Variants in ELAC2 observed in about 807,000 individuals in gnomAD.
ELAC2 encodes zinc phosphodiesterase ELAC protein 2.
A neutral mutation model predicts 105.2 loss-of-function variants in ELAC2; 92 were observed. That is an observed-to-expected ratio of 0.87 (90% CI 0.74 to 1.04). The LOEUF is 1.04. Ranked by LOEUF, ELAC2 falls within the 50% of genes least tolerant of loss-of-function variation. The probability of loss-of-function intolerance (pLI) is 0.00; values close to 1 mark genes in which losing one functional copy is unlikely to be tolerated. For synonymous variants in ELAC2, 468 were observed against 409.1 expected (o/e 1.14, Z -1.74); for missense variants, 1,099 against 1,071.7 (o/e 1.03, Z -0.36).
chr17:13,002,618 G>A, intron 12 of ELAC2, 39 bp from the exon 13 acceptor site: 2 of 1,570,776 alleles, frequency 1.3e-6, no homozygotes, highest in African/African-American at 2.7e-5. Flanking sequence ...GCGTCTGTTA[G>A]GAGGCAGCTC....
chr17:13,008,911 C>G (rs756162156), intron 8 of ELAC2, among the ~76,000 whole-genome samples: 9 of 152,146 alleles, frequency 5.9e-5, no homozygotes, highest in Admixed American at 1.3e-4. Context: ...CTGGCAGCCC[C>G]CAGGAACGGC....
intron 22 of ELAC2, among the ~76,000 whole-genome samples, chr17:12,994,140 GCCCCCGCCTTCC>G (rs941895534): frequency 6.6e-6 from 1 of 152,122 alleles, no homozygotes. Context: ...CAGTCCCCCA[GCCCCCGCCTTCC>G]CCTGGCAATT....
At chr17:13,004,134 T>A (rs2040978247) in intron 11 of ELAC2, 1 of 164,024 alleles carries the variant, frequency 6.1e-6, no homozygotes, top group Non-Finnish European at 1.3e-5. Context: ...TAGCTATTTT[T>A]ATCTATCCCA....
chr17:13,016,654 C>A (rs377058905), intron 3 of ELAC2, among the ~76,000 whole-genome samples: 1 of 149,780 alleles, frequency 6.7e-6, no homozygotes, highest in Non-Finnish European at 1.5e-5. Context: ...ATGGGGCACA[C>A]GTGTGGTCCC....
At chr17:13,003,262 G>A (rs1050618559) in intron 12 of ELAC2, among the ~76,000 whole-genome samples, 1 of 152,150 alleles carries the variant, frequency 6.6e-6, no homozygotes, top group African/African-American at 2.4e-5. Flanking sequence ...TAAAATAAAT[G>A]GAATCGTGTG....
chr17:13,003,868 G>T, intron 11 of ELAC2: 1 of 405,020 alleles, frequency 2.5e-6, no homozygotes. Flanking sequence ...CCACTCATAC[G>T]GGTCCAACCT....
At chr17:13,001,782 C>G (rs966499670) in intron 14 of ELAC2, among the ~76,000 whole-genome samples, 4 of 152,024 alleles carry the variant, frequency 2.6e-5, no homozygotes, top group Admixed American at 1.3e-4. Context: ...AGTAAACATC[C>G]CTATTTGGAA....
intron 8 of ELAC2, among the ~76,000 whole-genome samples, chr17:13,006,984 G>C (rs2041144609): frequency 6.6e-6 from 1 of 152,006 alleles, no homozygotes; most frequent in Non-Finnish European, 1.5e-5. Context: ...AGCCGGGTGT[G>C]GTGACGTGCG....
intron 8 of ELAC2, among the ~76,000 whole-genome samples, chr17:13,008,057 C>T (rs774644341): frequency 4.0e-5 from 6 of 151,696 alleles, no homozygotes; most frequent in Admixed American, 1.3e-4. Context: ...AAAAATTAGC[C>T]GGGCATGGTG....
chr17:13,017,186 T>C (rs1491002881), intron 1 of ELAC2, 65 bp from the exon 2 acceptor site: 4 of 1,410,118 alleles, frequency 2.8e-6, no homozygotes, highest in African/African-American at 1.4e-5. Flanking sequence ...TGACACCAAT[T>C]AGATGTTTTA....
chr17:13,017,872 G>T lies in ELAC2; in HGVS notation c.76C>A (p.Pro26Thr). 1.3e-6 allele frequency: 2 copies of T among 1,551,762 alleles called. No homozygotes were observed. Among genetic ancestry groups the T allele is most frequent in the Non-Finnish European group, 8.7e-7 (1 of 1,150,626 alleles). The change falls in exon 1 of 24, where the codon CCC becomes ACC. Residue 26 changes from proline to threonine, a missense_variant. Pro to Thr is a conservative substitution (Grantham distance 38). Coordinates refer to ENST00000338034, the MANE Select transcript of ELAC2 (RefSeq NM_018127.7). ...TTGCGCGGCCGCTCGCGGCGGGCGG[G>T]TGCCTGCGATATGGTGCGTCCCTGC... ...MSQGRTISQAPARRERPRKDP... is the reference protein window; with the variant it reads ...MSQGRTISQATARRERPRKDP...
intron 14 of ELAC2, 140 bp from the exon 15 acceptor site, chr17:13,000,414 A>G (rs1434595759): frequency 3.7e-6 from 3 of 816,496 alleles, no homozygotes; most frequent in Non-Finnish European, 6.2e-6. Flanking sequence ...TTAAGTGACT[A>G]GGATCTGGGG....
chr17:12,996,197 C>T (rs1008956897), intron 17 of ELAC2: 41 of 656,806 alleles, frequency 6.2e-5, no homozygotes, highest in East Asian at 2.5e-4. Context: ...AAGAGGGCAA[C>T]GGCCCAGGGC....
At chr17:13,005,247 C>G in intron 10 of ELAC2, 146 bp from the exon 11 acceptor site, 1 of 716,454 alleles carries the variant, frequency 1.4e-6, no homozygotes, top group Admixed American at 2.0e-5. Context: ...ACATCACCAT[C>G]AACACCCTTC....
intron 14 of ELAC2, 114 bp downstream of exon 14, chr17:13,002,158 TTA>T: frequency 9.0e-7 from 1 of 1,112,746 alleles, no homozygotes; most frequent in Non-Finnish European, 1.3e-6. Flanking sequence ...AGTTGAATAG[TTA>T]CAACAGAGAC....
intron 17 of ELAC2, chr17:12,996,198 G>C: frequency 1.5e-6 from 1 of 654,612 alleles, no homozygotes; most frequent in Non-Finnish European, 2.6e-6. Flanking sequence ...AGAGGGCAAC[G>C]GCCCAGGGCC....
chr17:13,006,004 G>A (rs369763934), intron 8 of ELAC2, 25 bp from the exon 9 acceptor site: 3 of 1,607,166 alleles, frequency 1.9e-6, no homozygotes, highest in Non-Finnish European at 2.6e-6. Context: ...ACATAGATGT[G>A]ATCTTAGGGG....
intron 8 of ELAC2, among the ~76,000 whole-genome samples, chr17:13,009,054 CAATATA>C (rs1167866915): frequency 6.6e-6 from 1 of 152,074 alleles, no homozygotes; most frequent in Non-Finnish European, 1.5e-5. Context: ...AAAAATCAGA[CAATATA>C]AATATAGATT....
chr17:13,004,909 G>A, intron 11 of ELAC2, 80 bp downstream of exon 11: 1 of 1,122,408 alleles, frequency 8.9e-7, no homozygotes, highest in Non-Finnish European at 1.4e-6. Flanking sequence ...CAGAAACACA[G>A]CTCTTGCCAC....
Sources: gnomAD v4.1 joint callset for allele counts (sites outside exome capture counted in the v4.1 genomes callset) on GRCh38, gnomAD v4.1.1 for gene constraint, MANE v1.5 for transcripts, NCBI Gene and HGNC (gene_info 2026-07-23, HGNC 2026-07-21) for gene names.